TRUB2: variants seen among roughly 807,000 people sequenced by gnomAD.
TRUB2 encodes pseudouridylate synthase TRUB2, mitochondrial.
TRUB2 carries 31 observed loss-of-function variants against 31.9 expected under a neutral mutation model. The ratio of observed to expected loss-of-function variants is 0.97; its 90% CI spans 0.73 to 1.31. The LOEUF is 1.31. Ranked by LOEUF, TRUB2 falls within the 50% of genes most tolerant of loss-of-function variation. The pLI is 0.00. For synonymous variants in TRUB2, 201 were observed against 182.6 expected, an observed-to-expected ratio of 1.10 and a Z score of -0.81; for missense variants, 451 against 439.6, an observed-to-expected ratio of 1.03 and a Z score of -0.23.
chr9:128,309,540 G>C lies in TRUB2; in HGVS notation c.*10C>G, dbSNP rs1374854596. ...TTATCCATCCACTGCCCCAGGAGCT[G>C]CCTGGGCATTCACTGCCCCGCACCC... On this transcript the variant is annotated 3_prime_UTR_variant, in exon 8 of 8. Coordinates refer to ENST00000372890, the MANE Select transcript of TRUB2 (RefSeq NM_015679.3). 1 of 1,599,160 alleles carries C rather than the reference G, an allele frequency of 6.3e-7. No homozygotes were observed. Among genetic ancestry groups the C allele is most frequent in the African/African-American group, 1.3e-5 (1 of 74,532 alleles).
At chr9:128,313,599 C>T (rs1293758004) in intron 5 of TRUB2, among the ~76,000 whole-genome samples, 1 of 150,306 alleles carries the variant, frequency 6.7e-6, no homozygotes, top group Non-Finnish European at 1.5e-5. Flanking sequence ...TGGAGAGAAA[C>T]TAGAGTCTTT....
intron 5 of TRUB2, among the ~76,000 whole-genome samples, chr9:128,313,246 G>C (rs940457078): frequency 1.3e-5 from 2 of 149,224 alleles, no homozygotes. Flanking sequence ...AAAAGGAAAG[G>C]CTGGGCGCGG....
chr9:128,312,890 G>A (rs990750271), intron 5 of TRUB2, among the ~76,000 whole-genome samples: 2 of 151,928 alleles, frequency 1.3e-5, no homozygotes, highest in African/African-American at 4.8e-5. Flanking sequence ...GGGATTACAG[G>A]CGTGAGCCAC....
chr9:128,313,642 G>A (rs1832016461), intron 5 of TRUB2, among the ~76,000 whole-genome samples, 166 bp downstream of exon 5: 1 of 152,210 alleles, frequency 6.6e-6, no homozygotes, highest in Non-Finnish European at 1.5e-5. Context: ...TAGGCAAGCA[G>A]GGGAGTAGAG....
chr9:128,309,602 T>A lies in TRUB2; in HGVS notation c.944A>T (p.Asp315Val). The A allele has an allele frequency of 6.2e-7, 1 of 1,613,176 alleles. No homozygotes were observed. Reference sequence around the variant, plus strand: ...CAAGGTAGAGCTCGGGCCCTGGGAGTCCCAGGACCATCCCGGACTGGGGAG... The same window carrying A: ...CAAGGTAGAGCTCGGGCCCTGGGAGACCCAGGACCATCCCGGACTGGGGAG... ...KQLPSPGWSW[D>V]SQGPSSTLGL... Residue 315 changes from aspartate (D) to valine (V), a missense_variant, in exon 8 of 8, where the codon GAC becomes GTC. Coordinates refer to ENST00000372890, the MANE Select transcript of TRUB2 (RefSeq NM_015679.3).
In TRUB2 at chr9:128,311,455, C is replaced by A. The variant is rs1341231271; in HGVS notation, c.533+74G>T. On this transcript the variant is annotated intron_variant, in intron 6 of 7. Transcript: ENST00000372890. Reference sequence around the variant, plus strand: ...AAAAACAAGATCCATGGAATCTGCCCCAGGTTTGGGGGAGCCTACGGGAGC... The same window carrying A: ...AAAAACAAGATCCATGGAATCTGCCACAGGTTTGGGGGAGCCTACGGGAGC... The A allele has an allele frequency of 3.1e-5, 45 of 1,451,936 alleles. 1 individual carries two copies. Among genetic ancestry groups the A allele is most frequent in the Non-Finnish European group, 4.3e-5 (44 of 1,033,598 alleles). The allele number at this position is 1,451,936 out of a possible 1,614,324, so 89.9% of individuals were successfully genotyped here.
chr9:128,317,125 T>C (rs1230101998), intron 3 of TRUB2, 27 bp downstream of exon 3: 1 of 1,553,164 alleles, frequency 6.4e-7, no homozygotes, highest in Admixed American at 1.9e-5. Flanking sequence ...CTTATCACTG[T>C]ACCCCCAGGC....
At chr9:128,319,982 C>A (rs1302725797) in intron 2 of TRUB2, among the ~76,000 whole-genome samples, 1 of 151,672 alleles carries the variant, frequency 6.6e-6, no homozygotes, top group Admixed American at 6.6e-5. Flanking sequence ...GTGGCACGAT[C>A]TCCGCTCACT....
At chr9:128,319,601 T>C (rs898654999) in intron 2 of TRUB2, among the ~76,000 whole-genome samples, 3 of 151,838 alleles carry the variant, frequency 2.0e-5, no homozygotes, top group African/African-American at 7.3e-5. Flanking sequence ...TAAAATGGCA[T>C]AGTATTTGCA....
chr9:128,317,780 A>G (rs1832093527), intron 2 of TRUB2, among the ~76,000 whole-genome samples: 1 of 152,232 alleles, frequency 6.6e-6, no homozygotes, highest in Non-Finnish European at 1.5e-5. Context: ...TGAAATGAAA[A>G]TAGGACCCAT....
chr9:128,314,307 A>ACTTATCT (rs1358817065), intron 4 of TRUB2, among the ~76,000 whole-genome samples: 1 of 151,758 alleles, frequency 6.6e-6, no homozygotes, highest in Non-Finnish European at 1.5e-5. Context: ...CTCCTCTCCA[A>ACTTATCT]CCTAACTCGG....
chr9:128,309,922 C>G, intron 7 of TRUB2, 47 bp from the exon 8 acceptor site: 1 of 1,587,730 alleles, frequency 6.3e-7, no homozygotes, highest in Non-Finnish European at 8.6e-7. Flanking sequence ...AGCACAGCCT[C>G]TAGTGTGTGG....
intron 3 of TRUB2, 118 bp from the exon 4 acceptor site, chr9:128,315,746 G>A (rs1832057969): frequency 1.7e-6 from 2 of 1,205,398 alleles, no homozygotes; most frequent in Admixed American, 2.0e-5. Context: ...AAGGCAACAA[G>A]AAGGCAAAAA....
chr9:128,322,335 T>G lies in TRUB2; in HGVS notation c.74A>C (p.His25Pro). The G allele has an allele frequency of 6.2e-7, 1 of 1,614,140 alleles. No homozygotes were observed. Among genetic ancestry groups the G allele is most frequent in the Non-Finnish European group, 8.5e-7 (1 of 1,180,022 alleles). ...TTGTAGCTCCACTGTATCCCGCAGG[T>G]GCTTCCATTTTAGCCCCGGGGGCTT... Reference protein sequence around the residue: ...VYKPPGLKWKHLRDTVELQLL... With the variant: ...VYKPPGLKWKPLRDTVELQLL... Residue 25 changes from histidine (H) to proline (P), a missense_variant, in exon 1 of 8, where the codon CAC becomes CCC. By Grantham distance (77) the His-to-Pro change is moderately conservative. Transcript: ENST00000372890.
rs1307309291 is a variant in TRUB2 at position 128,313,720 on chromosome 9, A to G, written c.460+88T>C. 2.5e-6 allele frequency: 3 copies of G among 1,194,550 alleles called. No homozygotes were observed. The East Asian group carries it at 7.0e-5, about 28-fold the overall frequency. The allele number at this position is 1,194,550 out of a possible 1,614,324, so 74.0% of individuals were successfully genotyped here. A position where few individuals can be genotyped will look rare whatever the true frequency, so the allele number is the denominator to read the frequency against. On this transcript the variant is annotated intron_variant, in intron 5 of 7. Transcript: ENST00000372890. ...AAGCCTAGTGTGTGCAGTGGAACTGAGAAGGGGCCAGCGTGGCCTAGGGCG... is the reference window on the plus strand; with the variant it reads ...AAGCCTAGTGTGTGCAGTGGAACTGGGAAGGGGCCAGCGTGGCCTAGGGCG...
Position 128,321,598 on chromosome 9 carries a change from C to T in TRUB2, c.241+1G>A. The T allele has an allele frequency of 1.9e-6, 3 of 1,613,994 alleles. No homozygotes were observed. Among genetic ancestry groups the T allele is most frequent in the Non-Finnish European group, 2.5e-6 (3 of 1,179,938 alleles). The stretch of plus-strand genomic sequence containing the variant: ...CAGGATCCTGCTTAAATCTGCCTTA[C>T]CCAGTGGATGGTTGATGAAAGAGGG... On this transcript the variant is annotated splice_donor_variant, in intron 2 of 7. Transcript: ENST00000372890. LOFTEE classifies it high-confidence loss of function.
In TRUB2 at chr9:128,309,769, G is replaced by A. The variant is rs765518534; in HGVS notation, c.777C>T (p.Arg259=). The A allele has an allele frequency of 2.6e-5, 42 of 1,614,236 alleles. 1 individual carries two copies. In the Middle Eastern group the frequency reaches 4.9e-4, roughly 19 times the overall value. ...TAVCTQVRRT[R]DGFFTLDSAL... Reference sequence around the variant, plus strand: ...CACTGTCTAGCGTGAAGAAGCCGTCGCGCGTGCGCCGCACTTGGGTGCAGA... The same window carrying A: ...CACTGTCTAGCGTGAAGAAGCCGTCACGCGTGCGCCGCACTTGGGTGCAGA... The change falls in exon 8 of 8, where the codon CGC becomes CGT. Residue 259 remains arginine (R), a synonymous_variant. Transcript: ENST00000372890.
chr9:128,315,001 G>T (rs1832042402), intron 4 of TRUB2, among the ~76,000 whole-genome samples: 1 of 152,164 alleles, frequency 6.6e-6, no homozygotes, highest in African/African-American at 2.4e-5. Flanking sequence ...TTTGGCTCCA[G>T]AATTTGTGCC....
Position 128,322,429 on chromosome 9 carries a change from G to C in TRUB2, c.-21C>G. ...CCCATACTTGAAGATCACAGCACCC[G>C]CTGGACCTGGACGGAAGTACCGCCA... On this transcript the variant is annotated 5_prime_UTR_variant, in exon 1 of 8. Coordinates refer to ENST00000372890, the MANE Select transcript of TRUB2 (RefSeq NM_015679.3). 2 of 1,612,540 alleles carry C rather than the reference G, an allele frequency of 1.2e-6. No individual in the cohort carries two copies. The highest frequency in any genetic ancestry group is 1.7e-6 in the Non-Finnish European group (2 of 1,178,784).
Sources: gnomAD v4.1 joint callset for allele counts (sites outside exome capture counted in the v4.1 genomes callset) on GRCh38, gnomAD v4.1.1 for gene constraint, MANE v1.5 for transcripts, NCBI Gene and HGNC (gene_info 2026-07-23, HGNC 2026-07-21) for gene names.